The following CMIP variants were observed in gnomAD, a reference collection of about 807,000 sequenced individuals.
CMIP encodes the protein c-Maf inducing protein, also known as C-Maf-inducing protein.
A neutral mutation model predicts 97.3 loss-of-function variants in CMIP; 13 were observed. The observed-to-expected ratio is 0.13, with a 90% CI of 0.09 to 0.21. The LOEUF (loss-of-function observed/expected upper bound fraction) is 0.21. Ranked by LOEUF, CMIP falls within the 10% of genes least tolerant of loss-of-function variation. The probability of loss-of-function intolerance (pLI) is 1.00; values close to 1 mark genes in which losing one functional copy is unlikely to be tolerated. For synonymous variants in CMIP, 538 were observed against 436.3 expected, an observed-to-expected ratio of 1.23 and a Z score of -2.91; for missense variants, 847 against 1,024.9, an observed-to-expected ratio of 0.83 and a Z score of 2.37.
chr16:81,658,131 A>AGG (rs931042480), intron 5 of CMIP, among the ~76,000 whole-genome samples: 171 of 152,290 alleles, frequency 1.1e-3, no homozygotes, highest in African/African-American at 3.9e-3. Context: ...ATTTATTCAG[A>AGG]GGCATCACCC....
Position 81,709,874 on chromosome 16 carries a change from G to A in CMIP, c.*75G>A, listed in dbSNP as rs892670589. On this transcript the variant is annotated 3_prime_UTR_variant, in exon 21 of 21. Transcript: ENST00000537098. ...CTTGACTAACAGCCGCAGAGCAGCC[G>A]GTCCTGGGGTCCCACCCTGGTGCCC... 2.8e-5 allele frequency: 43 copies of A among 1,518,964 alleles called. No individual in the cohort carries two copies. The highest frequency in any genetic ancestry group is 1.4e-4 in the East Asian group (6 of 42,090). The allele number at this position is 1,518,964 out of a possible 1,614,324, so 94.1% of individuals were successfully genotyped here.
At chr16:81,552,720 G>A (rs1316853565) in intron 1 of CMIP, among the ~76,000 whole-genome samples, 1 of 152,188 alleles carries the variant, frequency 6.6e-6, no homozygotes, top group Non-Finnish European at 1.5e-5. Context: ...CAGGTTCTGG[G>A]GATCAGGGCG....
At chr16:81,472,456 G>T (rs955760123) in intron 1 of CMIP, among the ~76,000 whole-genome samples, 2 of 152,170 alleles carry the variant, frequency 1.3e-5, no homozygotes, top group Non-Finnish European at 1.5e-5. Flanking sequence ...TGGAGGAGTG[G>T]CCCATCTCCC....
rs1043888152 is a variant in CMIP, at chr16:81,710,163, G to T, written c.*364G>T. 3.4e-6 allele frequency: 1 copy of T among 296,000 alleles called. No homozygotes were observed. The highest frequency in any genetic ancestry group is 2.2e-5 in the African/African-American group (1 of 46,216). The allele number at this position is 296,000 out of a possible 1,614,324, so 18.3% of individuals were successfully genotyped here. A position where few individuals can be genotyped will look rare whatever the true frequency, so the allele number is the denominator to read the frequency against. On this transcript the variant is annotated 3_prime_UTR_variant, in exon 21 of 21. Transcript: ENST00000537098. Reference sequence around the variant, plus strand: ...CCGTCGTGTGGGAAAAGTCAACTCCGATGCCACCATTGCGGGCCGGACGAA... The same window carrying T: ...CCGTCGTGTGGGAAAAGTCAACTCCTATGCCACCATTGCGGGCCGGACGAA...
chr16:81,689,412 T>G (rs372808345), intron 10 of CMIP, among the ~76,000 whole-genome samples: 11 of 152,388 alleles, frequency 7.2e-5, no homozygotes, highest in African/African-American at 2.6e-4. Flanking sequence ...TGGCCAGTGA[T>G]GATGAGCATT....
intron 1 of CMIP, among the ~76,000 whole-genome samples, chr16:81,559,670 G>A (rs1035665611): frequency 6.6e-5 from 10 of 152,206 alleles, no homozygotes; most frequent in South Asian, 2.1e-4. Context: ...ACTGCCAGTC[G>A]TGCAAAAGCA....
intron 3 of CMIP, among the ~76,000 whole-genome samples, chr16:81,643,888 G>T (rs1447736422): frequency 6.6e-6 from 1 of 152,162 alleles, no homozygotes; most frequent in Non-Finnish European, 1.5e-5. Context: ...TATAGTGATG[G>T]CAGCCCCCTG....
At chr16:81,502,073 T>C (rs949299661) in intron 1 of CMIP, among the ~76,000 whole-genome samples, 56 of 152,360 alleles carry the variant, frequency 3.7e-4, no homozygotes, top group African/African-American at 1.3e-3. Flanking sequence ...TAGAGTAGTC[T>C]GCAGAGCAGC....
chr16:81,653,986 A>G (rs1309369864), intron 4 of CMIP, among the ~76,000 whole-genome samples: 1 of 152,064 alleles, frequency 6.6e-6, no homozygotes, highest in African/African-American at 2.4e-5. Context: ...GACCTGCCCA[A>G]CTCACGTGGC....
In CMIP at chr16:81,470,822, C is replaced by G. The variant is rs532136682; in HGVS notation, c.300+25281C>G. On this transcript the variant is annotated intron_variant, in intron 1 of 20. Transcript: ENST00000537098. ...GTTCCATATAGTTTGTAAGTAAACACAATTCTTGACTTCCTCATGTGATCT... is the reference window on the plus strand; with the variant it reads ...GTTCCATATAGTTTGTAAGTAAACAGAATTCTTGACTTCCTCATGTGATCT... Among the ~76,000 whole-genome samples the G allele has an allele frequency of 2.0e-5, 3 of 152,352 alleles. No homozygotes were observed. In the South Asian group the frequency reaches 6.2e-4, roughly 32 times the overall value.
Position 81,703,348 on chromosome 16 carries a change from C to T in CMIP, c.1945-591C>T, listed in dbSNP as rs147168774. Among the ~76,000 whole-genome samples the T allele has an allele frequency of 4.0e-3, 606 of 152,128 alleles. 10 individuals carry two copies. The highest frequency in any genetic ancestry group is 0.014 in the African/African-American group (584 of 41,474). On this transcript the variant is annotated intron_variant, in intron 17 of 20. Coordinates refer to ENST00000537098, the MANE Select transcript of CMIP (RefSeq NM_198390.3). ...GGGAGTGTGGAGGTTGTCTTAGGAA[C>T]CTCCCAGTCCGGTGCTCAGGCATGC... is the stretch of plus-strand genomic sequence containing the variant.
chr16:81,650,864 C>A (rs541487365), intron 3 of CMIP, among the ~76,000 whole-genome samples: 1 of 152,332 alleles, frequency 6.6e-6, no homozygotes, highest in Non-Finnish European at 1.5e-5. Flanking sequence ...AGAACCAGAT[C>A]TTTCCGACTC....
At chr16:81,706,606 A>T (rs1249046097) in intron 19 of CMIP, among the ~76,000 whole-genome samples, 2 of 152,210 alleles carry the variant, frequency 1.3e-5, no homozygotes, top group Non-Finnish European at 2.9e-5. Context: ...AACACAAACC[A>T]GAGGTTGAGG....
chr16:81,679,267 G>T (rs925895926), intron 10 of CMIP, among the ~76,000 whole-genome samples: 1 of 152,190 alleles, frequency 6.6e-6, no homozygotes, highest in African/African-American at 2.4e-5. Context: ...GTGTGTGTGT[G>T]TGTGTGTGTG....
intron 2 of CMIP, among the ~76,000 whole-genome samples, chr16:81,608,497 T>C (rs1223157033): frequency 2.0e-5 from 3 of 152,202 alleles, no homozygotes; most frequent in Admixed American, 2.0e-4. Flanking sequence ...CCTTTTTCTT[T>C]CCAGTACCTT....
chr16:81,691,094 A>G (rs1906008802), intron 10 of CMIP, among the ~76,000 whole-genome samples: 1 of 152,206 alleles, frequency 6.6e-6, no homozygotes, highest in Non-Finnish European at 1.5e-5. Context: ...CCAGGGTCCC[A>G]GCCTAAGCCC....
intron 1 of CMIP, among the ~76,000 whole-genome samples, chr16:81,477,849 T>G (rs2150753501): frequency 6.6e-6 from 1 of 152,334 alleles, no homozygotes; most frequent in South Asian, 2.1e-4. Flanking sequence ...GGAAATGGGA[T>G]CTTACCATTT....
intron 2 of CMIP, chr16:81,619,556 G>A (rs1311384709): frequency 2.0e-5 from 3 of 152,316 alleles, no homozygotes; most frequent in Admixed American, 2.0e-4. Context: ...CAGACCCCCT[G>A]AACCGTCAGA....
intron 1 of CMIP, among the ~76,000 whole-genome samples, chr16:81,484,648 C>T (rs1324088930): frequency 3.3e-5 from 5 of 152,222 alleles, no homozygotes; most frequent in East Asian, 1.9e-4. Flanking sequence ...CGCACAGACC[C>T]GGCTAGTTTA....
Sources: allele counts gnomAD v4.1 joint callset (sites outside exome capture counted in the v4.1 genomes callset), GRCh38; gene constraint gnomAD v4.1.1; transcripts MANE v1.5; gene names NCBI Gene and HGNC (gene_info 2026-07-23, HGNC 2026-07-21).